The following ITPRID1 variants were observed in gnomAD, a reference collection of about 807,000 sequenced individuals.
ITPRID1 encodes the protein ITPR interacting domain containing 1.
A neutral mutation model predicts 95.4 loss-of-function variants in ITPRID1; 96 were observed. The ratio of observed to expected loss-of-function variants is 1.01; its 90% confidence interval spans 0.85 to 1.19. ITPRID1 has a LOEUF of 1.19. ITPRID1 is among the 50% of genes most tolerant of loss of function. The pLI, the probability that ITPRID1 is intolerant of heterozygous loss-of-function variation, is 0.00. For missense variants in ITPRID1, 1,339 were observed against 1,252.9 expected (o/e 1.07, Z -1.04); for synonymous variants, 510 against 453.6 (o/e 1.12, Z -1.58).
chr7:31,629,583 G>C (rs1263651070), intron 10 of ITPRID1, among the ~76,000 whole-genome samples: 1 of 152,212 alleles, frequency 6.6e-6, no homozygotes, highest in Non-Finnish European at 1.5e-5. Flanking sequence ...GATATGAAAA[G>C]ATGCTAGAGG....
intron 10 of ITPRID1, among the ~76,000 whole-genome samples, chr7:31,601,108 A>C (rs1184175817): frequency 6.6e-6 from 1 of 152,174 alleles, no homozygotes; most frequent in Non-Finnish European, 1.5e-5. Flanking sequence ...GTCTCATAGA[A>C]TTTGTAAGTA....
intron 10 of ITPRID1, among the ~76,000 whole-genome samples, chr7:31,610,209 G>A (rs1786805228): frequency 6.6e-6 from 1 of 151,506 alleles, no homozygotes; most frequent in African/African-American, 2.4e-5. Context: ...TATCCTGCTT[G>A]GAGAATGTTC....
chr7:31,618,184 A>G (rs1787452252), intron 10 of ITPRID1, among the ~76,000 whole-genome samples: 1 of 152,160 alleles, frequency 6.6e-6, no homozygotes, highest in Admixed American at 6.5e-5. Flanking sequence ...CCATTTCCCC[A>G]AACTTAAGAT....
chr7:31,651,143 G>A lies in ITPRID1; in HGVS notation c.2585G>A (p.Cys862Tyr), dbSNP rs1210984365. Reference protein sequence around the residue: ...QDTTVRELCSCTVHEMEAMKT... With the variant: ...QDTTVRELCSYTVHEMEAMKT... ...TCAGTTCTTTCTCATTGTTCTCAGTGCACAGTCCATGAGATGGAAGCCATG... is the reference window on the plus strand; with the variant it reads ...TCAGTTCTTTCTCATTGTTCTCAGTACACAGTCCATGAGATGGAAGCCATG... Residue 862 changes from cysteine to tyrosine, a missense_variant and splice_region_variant, in exon 13 of 15, where the codon TGC becomes TAC. Cys to Tyr is a radical substitution (Grantham distance 194). Transcript: ENST00000615280. 1 of 1,612,574 alleles carries A rather than the reference G, an allele frequency of 6.2e-7. No individual in the cohort carries two copies. Among genetic ancestry groups the A allele is most frequent in the Non-Finnish European group, 8.5e-7 (1 of 1,179,070 alleles).
chr7:31,599,933 C>T (rs1314435109), intron 10 of ITPRID1, among the ~76,000 whole-genome samples: 1 of 151,922 alleles, frequency 6.6e-6, no homozygotes, highest in South Asian at 2.1e-4. Context: ...CTCCTGACCT[C>T]GTGATCCGCC....
rs1387646320 is a variant in ITPRID1, at chr7:31,643,745, T to A, written c.2375T>A (p.Ile792Asn). 1 of 1,614,046 alleles carries A rather than the reference T, an allele frequency of 6.2e-7. No individual in the cohort carries two copies. Among genetic ancestry groups the A allele is most frequent in the South Asian group, 1.1e-5 (1 of 91,088 alleles). The change falls in exon 12 of 15, where the codon ATC (isoleucine) becomes AAC (asparagine). Residue 792 changes from isoleucine to asparagine, a missense_variant. By Grantham distance (149) the Ile-to-Asn change is moderately radical. Coordinates refer to ENST00000615280, the MANE Select transcript of ITPRID1 (RefSeq NM_001257967.3). ...TCTCTAGACTCAGGCTTCTCTAGTA[T>A]CTGCCCAATGGGCACCTGCCATGCT... ...SVSLDSGFSS[I>N]CPMGTCHAIP...
chr7:31,646,075 C>T (rs1056302413), intron 12 of ITPRID1, among the ~76,000 whole-genome samples: 4 of 152,144 alleles, frequency 2.6e-5, no homozygotes, highest in African/African-American at 9.7e-5. Flanking sequence ...TAGGAATGCA[C>T]ATCCCGAAAA....
chr7:31,635,771 G>C (rs1789429084), intron 10 of ITPRID1, among the ~76,000 whole-genome samples: 1 of 151,984 alleles, frequency 6.6e-6, no homozygotes, highest in Admixed American at 6.6e-5. Flanking sequence ...ATTGGGGCTT[G>C]TAAGGGGAGG....
At chr7:31,548,812 A>G (rs1784186806) in intron 1 of ITPRID1, among the ~76,000 whole-genome samples, 1 of 151,890 alleles carries the variant, frequency 6.6e-6, no homozygotes, top group Admixed American at 6.6e-5. Context: ...TTTTTTTGAG[A>G]ATAGGAGGGG....
chr7:31,517,602 G>A (rs1268512854), intron 1 of ITPRID1: 1 of 153,154 alleles, frequency 6.5e-6, no homozygotes, highest in African/African-American at 2.4e-5. Flanking sequence ...CGCCGGGTGC[G>A]CCTGTGCTGG....
At chr7:31,520,399 C>T (rs1783203248) in intron 1 of ITPRID1, among the ~76,000 whole-genome samples, 1 of 152,078 alleles carries the variant, frequency 6.6e-6, no homozygotes. Flanking sequence ...AGAAGTTATA[C>T]TCTACCTCCT....
chr7:31,625,634 AG>A (rs1175648665), intron 10 of ITPRID1, among the ~76,000 whole-genome samples: 1 of 146,594 alleles, frequency 6.8e-6, no homozygotes, highest in Non-Finnish European at 1.5e-5. Context: ...GGGTGGGAGG[AG>A]GGGGGAGGGA....
intron 1 of ITPRID1, among the ~76,000 whole-genome samples, chr7:31,520,178 G>A (rs545608374): frequency 6.6e-5 from 10 of 151,754 alleles, no homozygotes; most frequent in Non-Finnish European, 1.0e-4. Context: ...TATGGGTTTG[G>A]GGGAGGGAGA....
intron 1 of ITPRID1, among the ~76,000 whole-genome samples, chr7:31,520,516 TGTGTG>T (rs1562543779): frequency 5.1e-5 from 1 of 19,732 alleles, no homozygotes; most frequent in Non-Finnish European, 1.5e-4. Flanking sequence ...ACCACATCAT[TGTGTG>T]TGTGTGTGTG....
Position 31,651,172 on chromosome 7 carries a change from A to G in ITPRID1, c.2614A>G (p.Thr872Ala). The G allele has an allele frequency of 1.9e-6, 3 of 1,613,534 alleles. No individual in the cohort carries two copies. Among genetic ancestry groups the G allele is most frequent in the Non-Finnish European group, 2.5e-6 (3 of 1,179,562 alleles). Residue 872 changes from threonine (T) to alanine (A), a missense_variant, in exon 13 of 15, where the codon ACG (threonine) becomes GCG (alanine). Physicochemically the swap from Thr to Ala is moderately conservative, Grantham distance 58 (BLOSUM62 0). Transcript: ENST00000615280. ...CTVHEMEAMKTICQSFREYLE... is the reference protein window; with the variant it reads ...CTVHEMEAMKAICQSFREYLE... ...AGTCCATGAGATGGAAGCCATGAAG[A>G]CGATATGCCAAAGTTTCCGGGAGTA...
At chr7:31,608,213 T>C (rs553568262) in intron 10 of ITPRID1, among the ~76,000 whole-genome samples, 31 of 152,200 alleles carry the variant, frequency 2.0e-4, no homozygotes, top group Non-Finnish European at 3.5e-4. Context: ...TCTATTCTAT[T>C]AATTTATATG....
At chr7:31,631,112 G>A (rs1360947558) in intron 10 of ITPRID1, among the ~76,000 whole-genome samples, 1 of 152,136 alleles carries the variant, frequency 6.6e-6, no homozygotes, top group Non-Finnish European at 1.5e-5. Context: ...ATTGTCAGCA[G>A]TTTTATGGCT....
chr7:31,521,663 CT>C (rs1562544827), intron 1 of ITPRID1, among the ~76,000 whole-genome samples: 21 of 121,112 alleles, frequency 1.7e-4, no homozygotes, highest in African/African-American at 4.6e-4. Flanking sequence ...TCCTTCCTTC[CT>C]TCCTTCCTTC....
chr7:31,628,619 C>A (rs1172433548), intron 10 of ITPRID1, among the ~76,000 whole-genome samples: 16 of 151,802 alleles, frequency 1.1e-4, no homozygotes, highest in Non-Finnish European at 2.9e-5. Flanking sequence ...CACCACGCCC[C>A]GCTAATTTTT....
Sources: gnomAD v4.1 joint callset for allele counts (sites outside exome capture counted in the v4.1 genomes callset) on GRCh38, gnomAD v4.1.1 for gene constraint, MANE v1.5 for transcripts, NCBI Gene and HGNC (gene_info 2026-07-23, HGNC 2026-07-21) for gene names.